USH2A: variants seen among roughly 807,000 people sequenced by gnomAD.
The protein encoded by USH2A is Usher syndrome 2A (autosomal recessive, mild).
USH2A carries 443 observed loss-of-function variants against 538.9 expected under a neutral mutation model. That is an observed-to-expected ratio of 0.82 (90% CI 0.76 to 0.89). USH2A has a LOEUF of 0.89. Ranked by LOEUF, USH2A falls within the 40% of genes least tolerant of loss-of-function variation. The probability of loss-of-function intolerance (pLI) is 0.00; values close to 1 mark genes in which losing one functional copy is unlikely to be tolerated. For synonymous variants in USH2A, 2,413 were observed against 2,273.5 expected (o/e 1.06, Z -1.75); for missense variants, 6,633 against 6,324.8 (o/e 1.05, Z -1.65).
chr1:215,666,308 T>C lies in USH2A; in HGVS notation c.14133+4664A>G, dbSNP rs980663741. 2.1e-5 allele frequency among the ~76,000 whole-genome samples: 3 copies of C among 143,044 alleles called. No individual in the cohort carries two copies. The Admixed American group carries it at 2.1e-4, about 10-fold the overall frequency. The allele number at this position is 143,044 out of a possible 152,430, so 93.8% of individuals were successfully genotyped here. A position where few individuals can be genotyped will look rare whatever the true frequency, so the allele number is the denominator to read the frequency against. On this transcript the variant is annotated intron_variant, in intron 64 of 71. Coordinates refer to ENST00000307340, the MANE Select transcript of USH2A (RefSeq NM_206933.4). ...ATGAGGAAGATTAAAATAAATTATA[T>C]GAGTAGCTGAGACATGGACTTTGTA... is the stretch of plus-strand genomic sequence containing the variant.
intron 21 of USH2A, among the ~76,000 whole-genome samples, chr1:216,108,331 A>C (rs11120735): frequency 0.88 from 134,087 of 151,698 alleles, 59,428 homozygotes; most frequent in East Asian, 0.98. Flanking sequence ...GCCTTCATTC[A>C]TTTCATTGTT....
At chr1:215,875,567 CACTAAAAATTCATA>C (rs1664741752) in intron 43 of USH2A, among the ~76,000 whole-genome samples, 2 of 152,116 alleles carry the variant, frequency 1.3e-5, no homozygotes, top group East Asian at 3.9e-4. Flanking sequence ...TTAGAGGAAT[CACTAAAAATTCATA>C]ACTAACTTCA....
chr1:215,758,524 C>T, intron 58 of USH2A, 71 bp downstream of exon 58: 16 of 1,538,120 alleles, frequency 1.0e-5, no homozygotes, highest in Non-Finnish European at 1.4e-5. Context: ...ATTAACAGTT[C>T]TATTCTTATC....
intron 11 of USH2A, among the ~76,000 whole-genome samples, chr1:216,251,690 T>A (rs1173497774): frequency 1.3e-5 from 2 of 152,106 alleles, no homozygotes; most frequent in Non-Finnish European, 2.9e-5. Context: ...TCCGCCCGCC[T>A]CGGCCTCCCA....
chr1:215,751,167 T>G (rs913766341), intron 58 of USH2A, among the ~76,000 whole-genome samples: 1 of 152,146 alleles, frequency 6.6e-6, no homozygotes, highest in Non-Finnish European at 1.5e-5. Flanking sequence ...AGCTGATGAG[T>G]TAACTGAATG....
chr1:215,800,745 T>G (rs1278689286), intron 49 of USH2A, among the ~76,000 whole-genome samples: 1 of 152,158 alleles, frequency 6.6e-6, no homozygotes, highest in Non-Finnish European at 1.5e-5. Context: ...GATCTTTTCT[T>G]TCCAAATTTA....
chr1:215,794,368 C>T (rs563696775), intron 50 of USH2A, among the ~76,000 whole-genome samples: 12 of 152,304 alleles, frequency 7.9e-5, no homozygotes, highest in Admixed American at 6.5e-4. Flanking sequence ...AGCCCGGTCT[C>T]GTGGCAGGCA....
intron 22 of USH2A, among the ~76,000 whole-genome samples, chr1:216,093,716 G>A (rs1422776832): frequency 6.6e-6 from 1 of 152,170 alleles, no homozygotes; most frequent in Non-Finnish European, 1.5e-5. Context: ...ATGTTTGGTA[G>A]GGGGGTGGCT....
chr1:216,159,690 A>G (rs1033931802), intron 21 of USH2A, among the ~76,000 whole-genome samples: 1 of 152,064 alleles, frequency 6.6e-6, no homozygotes, highest in Non-Finnish European at 1.5e-5. Flanking sequence ...GATAGAAACC[A>G]TTGCAATTTT....
intron 43 of USH2A, among the ~76,000 whole-genome samples, chr1:215,876,672 A>T (rs886966590): frequency 6.6e-6 from 1 of 152,192 alleles, no homozygotes; most frequent in African/African-American, 2.4e-5. Flanking sequence ...GGGATGTCCT[A>T]TGGAAATGTT....
At chr1:215,906,913 G>A (rs1476147455) in intron 38 of USH2A, among the ~76,000 whole-genome samples, 1 of 151,882 alleles carries the variant, frequency 6.6e-6, no homozygotes, top group Non-Finnish European at 1.5e-5. Context: ...AAATCAGAAG[G>A]CAGAAAACTT....
chr1:215,821,175 T>C (rs1055452101), intron 47 of USH2A, among the ~76,000 whole-genome samples: 6 of 151,758 alleles, frequency 4.0e-5, no homozygotes, highest in Admixed American at 3.3e-4. Flanking sequence ...CAATATTCTA[T>C]AGTGGCTGTA....
chr1:216,085,719 AGT>A (rs140742468), intron 24 of USH2A, among the ~76,000 whole-genome samples: 3,776 of 143,024 alleles, frequency 0.026, 117 homozygotes, highest in African/African-American at 0.083. Flanking sequence ...TGTGTACGTG[AGT>A]GTGTGTGTGT....
At chr1:216,163,569 G>A (rs1306771980) in intron 21 of USH2A, among the ~76,000 whole-genome samples, 1 of 151,796 alleles carries the variant, frequency 6.6e-6, no homozygotes, top group Non-Finnish European at 1.5e-5. Context: ...GGAAAAAATT[G>A]CACACTCTGG....
intron 61 of USH2A, among the ~76,000 whole-genome samples, chr1:215,711,105 G>A (rs968161255): frequency 6.6e-6 from 1 of 152,116 alleles, no homozygotes; most frequent in Admixed American, 6.5e-5. Flanking sequence ...ACATATAGAA[G>A]CATATAATCT....
At chr1:216,358,285 G>C (rs369621955) in intron 4 of USH2A, among the ~76,000 whole-genome samples, 7 of 152,134 alleles carry the variant, frequency 4.6e-5, no homozygotes, top group Non-Finnish European at 1.0e-4. Context: ...GATCCATCTT[G>C]ATCTGCTATA....
At position 215,934,803 on chromosome 1, in the gene USH2A, A is replaced by C; in HGVS notation, c.7121-8T>G. On this transcript the variant is annotated splice_region_variant and splice_polypyrimidine_tract_variant and intron_variant, in intron 37 of 71. Transcript: ENST00000307340. ...GGGTGTAGTTATTACCTACTGATTA[A>C]AAAAGAAAATTATTAAAATAAATAC... 2 of 1,602,514 alleles carry C rather than the reference A, an allele frequency of 1.2e-6. No homozygotes were observed. The highest frequency in any genetic ancestry group is 1.7e-6 in the Non-Finnish European group (2 of 1,173,134).
chr1:215,638,095 T>C (rs1001514748), intron 69 of USH2A, among the ~76,000 whole-genome samples: 1 of 152,200 alleles, frequency 6.6e-6, no homozygotes, highest in Non-Finnish European at 1.5e-5. Flanking sequence ...AAAGACACTT[T>C]CCAAATTTAT....
At chr1:216,120,637 C>A in intron 21 of USH2A, among the ~76,000 whole-genome samples, 1 of 152,090 alleles carries the variant, frequency 6.6e-6, no homozygotes, top group African/African-American at 2.4e-5. Flanking sequence ...CCTCGGCCTC[C>A]CAAAGTGCTA....
Sources: gnomAD v4.1 joint callset for allele counts (sites outside exome capture counted in the v4.1 genomes callset) on GRCh38, gnomAD v4.1.1 for gene constraint, MANE v1.5 for transcripts, NCBI Gene and HGNC (gene_info 2026-07-23, HGNC 2026-07-21) for gene names.